Variants in HORMAD2 observed in about 807,000 individuals in gnomAD.
HORMAD2 encodes HORMA domain-containing protein 2.
In HORMAD2, 45 loss-of-function variants were observed where a neutral mutation model predicts 38.8. That is an observed-to-expected ratio of 1.16 (90% CI 0.91 to 1.49). The LOEUF (loss-of-function observed/expected upper bound fraction) is 1.49, where lower values mean the gene tolerates loss of function less well. Among genes scored for constraint, HORMAD2 ranks in the 40% most tolerant of loss-of-function variants. HORMAD2 has a pLI of 0.00. For missense variants in HORMAD2, 338 were observed against 367.0 expected (o/e 0.92, Z 0.65); for synonymous variants, 126 against 122.8 (o/e 1.03, Z -0.17).
the HORMAD2 span, among the ~76,000 whole-genome samples, chr22:30,189,351 A>G: frequency 6.6e-6 from 1 of 152,290 alleles, no homozygotes; most frequent in African/African-American, 2.4e-5. Context: ...GGGACCAGTG[A>G]GTACCTAGGA....
At chr22:30,117,301 G>A (rs1922112508) in intron 7 of HORMAD2, among the ~76,000 whole-genome samples, 1 of 151,988 alleles carries the variant, frequency 6.6e-6, no homozygotes, top group African/African-American at 2.4e-5. Flanking sequence ...ATGAATAAAG[G>A]ACATTTTTTG....
chr22:30,095,085 A>G lies in HORMAD2; in HGVS notation c.51+1082A>G, dbSNP rs550839893. 3.9e-5 allele frequency among the ~76,000 whole-genome samples: 6 copies of G among 152,306 alleles called. No homozygotes were observed. In the South Asian group the frequency reaches 1.2e-3, roughly 32 times the overall value. On this transcript the variant is annotated intron_variant, in intron 2 of 10. Coordinates refer to ENST00000336726, the MANE Select transcript of HORMAD2 (RefSeq NM_152510.4). ...CCACCCTGAAGCCAGTAATCCAATTAAGAAACTTAAAAACTGGCAATCGAA... is the reference window on the plus strand; with the variant it reads ...CCACCCTGAAGCCAGTAATCCAATTGAGAAACTTAAAAACTGGCAATCGAA...
At chr22:30,108,178 G>A (rs1157903839) in intron 5 of HORMAD2, among the ~76,000 whole-genome samples, 1 of 152,040 alleles carries the variant, frequency 6.6e-6, no homozygotes, top group African/African-American at 2.4e-5. Flanking sequence ...AGACTATATT[G>A]TATATAGCTA....
rs748378269 is a variant in HORMAD2, at chr22:30,104,189, G to T, written c.258-212G>T. ...TAAACATGGGATCCAAAAAAATTTGGTTCACTACCACAAAATAGCTCACTA... is the reference window on the plus strand; with the variant it reads ...TAAACATGGGATCCAAAAAAATTTGTTTCACTACCACAAAATAGCTCACTA... On this transcript the variant is annotated intron_variant, in intron 4 of 10. Coordinates refer to ENST00000336726, the MANE Select transcript of HORMAD2 (RefSeq NM_152510.4). 2.0e-5 allele frequency among the ~76,000 whole-genome samples: 3 copies of T among 151,960 alleles called. No individual in the cohort carries two copies. The East Asian group carries it at 5.8e-4, about 29-fold the overall frequency.
intron 2 of HORMAD2, among the ~76,000 whole-genome samples, chr22:30,094,544 A>G (rs1308827470): frequency 1.3e-5 from 2 of 152,260 alleles, no homozygotes; most frequent in African/African-American, 2.4e-5. Context: ...CTGATAAAAT[A>G]CAAAAATATG....
chr22:30,140,767 C>T (rs1358754435), intron 10 of HORMAD2, among the ~76,000 whole-genome samples: 1 of 152,070 alleles, frequency 6.6e-6, no homozygotes, highest in Non-Finnish European at 1.5e-5. Context: ...TTTTAATTCT[C>T]CATATCATAA....
At chr22:30,198,232 T>G in the HORMAD2 span, among the ~76,000 whole-genome samples, 3 of 152,180 alleles carry the variant, frequency 2.0e-5, no homozygotes, top group Non-Finnish European at 4.4e-5. Context: ...TGCTAAAGAT[T>G]TATTTGTTTA....
chr22:30,115,791 T>C (rs1921995422), intron 7 of HORMAD2, among the ~76,000 whole-genome samples: 1 of 151,994 alleles, frequency 6.6e-6, no homozygotes, highest in African/African-American at 2.4e-5. Context: ...AGTGCTGAAG[T>C]GGAGAATGAA....
chr22:30,181,161 G>A (rs1209956097), downstream of HORMAD2, among the ~76,000 whole-genome samples: 2 of 151,604 alleles, frequency 1.3e-5, no homozygotes, highest in African/African-American at 4.9e-5. Context: ...CTACACACAT[G>A]TGCTACTATG....
chr22:30,110,005 T>C (rs1299282997), intron 5 of HORMAD2, among the ~76,000 whole-genome samples: 1 of 152,200 alleles, frequency 6.6e-6, no homozygotes, highest in African/African-American at 2.4e-5. Flanking sequence ...TGGCCCTCCA[T>C]GTATCAGAGC....
intron 2 of HORMAD2, among the ~76,000 whole-genome samples, chr22:30,094,454 G>T (rs552230992): frequency 6.6e-6 from 1 of 152,174 alleles, no homozygotes; most frequent in Admixed American, 6.5e-5. Context: ...TTTGTCTCAT[G>T]ACATTCATTA....
At chr22:30,133,049 A>G (rs895757583) in intron 10 of HORMAD2, among the ~76,000 whole-genome samples, 1 of 152,186 alleles carries the variant, frequency 6.6e-6, no homozygotes, top group African/African-American at 2.4e-5. Context: ...ATACAATGTT[A>G]TCATTACACC....
At chr22:30,094,341 G>T (rs945407288) in intron 2 of HORMAD2, among the ~76,000 whole-genome samples, 2 of 152,146 alleles carry the variant, frequency 1.3e-5, no homozygotes, top group Admixed American at 1.3e-4. Flanking sequence ...AACTTGTGTT[G>T]CACACCATGG....
chr22:30,098,183 G>A (rs112326524), intron 2 of HORMAD2, among the ~76,000 whole-genome samples: 105 of 152,204 alleles, frequency 6.9e-4, no homozygotes, highest in African/African-American at 2.3e-3. Context: ...CAGAAATAGG[G>A]ACCTGAATTC....
chr22:30,188,074 T>TA, the HORMAD2 span, among the ~76,000 whole-genome samples: 25 of 151,782 alleles, frequency 1.6e-4, no homozygotes, highest in Admixed American at 1.4e-3. Flanking sequence ...ATATCTTTTT[T>TA]AAAAAAAACA....
chr22:30,158,215 A>G (rs5753027), intron 10 of HORMAD2, among the ~76,000 whole-genome samples: 22,341 of 152,070 alleles, frequency 0.15, 3,444 homozygotes, highest in African/African-American at 0.38. Flanking sequence ...AAATGTGGGT[A>G]ACTTCTAAAA....
At chr22:30,104,682 G>T in intron 5 of HORMAD2, 1 of 345,336 alleles carries the variant, frequency 2.9e-6, no homozygotes, top group Non-Finnish European at 5.2e-6. Context: ...TTCCTCTGAA[G>T]TCACTGGAAG....
chr22:30,196,070 C>T, the HORMAD2 span, among the ~76,000 whole-genome samples: 2 of 152,198 alleles, frequency 1.3e-5, no homozygotes, highest in Non-Finnish European at 2.9e-5. Flanking sequence ...ATTGTTCACT[C>T]GCATGGCATT....
chr22:30,148,994 A>T (rs577992991), intron 10 of HORMAD2, among the ~76,000 whole-genome samples: 46 of 152,274 alleles, frequency 3.0e-4, no homozygotes, highest in African/African-American at 1.0e-3. Flanking sequence ...AAAAAATTAG[A>T]CAAAATAATT....
Sources: allele counts gnomAD v4.1 joint callset (sites outside exome capture counted in the v4.1 genomes callset), GRCh38; gene constraint gnomAD v4.1.1; transcripts MANE v1.5; gene names NCBI Gene and HGNC (gene_info 2026-07-23, HGNC 2026-07-21).